SHISA9: variants seen among roughly 807,000 people sequenced by gnomAD.
SHISA9 encodes shisa family member 9.
SHISA9 carries 13 observed loss-of-function variants against 38.0 expected under a neutral mutation model. The ratio of observed to expected loss-of-function variants is 0.34; its 90% CI spans 0.22 to 0.54. The LOEUF is 0.54. Ranked by LOEUF, SHISA9 falls within the 20% of genes least tolerant of loss-of-function variation. SHISA9 has a pLI of 0.91. For missense variants in SHISA9, 538 were observed against 575.8 expected (o/e 0.93, Z 0.67); for synonymous variants, 275 against 242.0 (o/e 1.14, Z -1.27).
intron 2 of SHISA9, among the ~76,000 whole-genome samples, chr16:13,078,641 T>C (rs749175773): frequency 6.6e-6 from 1 of 152,166 alleles, no homozygotes; most frequent in East Asian, 1.9e-4. Flanking sequence ...CCTGGCCTCA[T>C]GTGACCCGCC....
At chr16:12,981,877 G>A (rs1294793418) in intron 2 of SHISA9, among the ~76,000 whole-genome samples, 1 of 152,132 alleles carries the variant, frequency 6.6e-6, no homozygotes, top group Non-Finnish European at 1.5e-5. Context: ...ATGGAGAAAA[G>A]GTGGCTATCT....
the SHISA9 span, among the ~76,000 whole-genome samples, chr16:13,352,412 G>A: frequency 1.3e-5 from 2 of 152,236 alleles, no homozygotes; most frequent in East Asian, 3.9e-4. Context: ...AAAATTTCTG[G>A]GGTGAGCAAA....
the SHISA9 span, among the ~76,000 whole-genome samples, chr16:13,558,636 A>T: frequency 6.6e-6 from 1 of 152,234 alleles, no homozygotes; most frequent in South Asian, 2.1e-4. Flanking sequence ...TATCCAACAC[A>T]TGTATGTCCT....
At chr16:13,041,136 C>G (rs1204732103) in intron 2 of SHISA9, among the ~76,000 whole-genome samples, 1 of 152,234 alleles carries the variant, frequency 6.6e-6, no homozygotes, top group Non-Finnish European at 1.5e-5. Flanking sequence ...CTCCCAACAT[C>G]TCAGAGCTGG....
At chr16:13,231,183 C>T (rs1444816839) in intron 4 of SHISA9, among the ~76,000 whole-genome samples, 1 of 152,152 alleles carries the variant, frequency 6.6e-6, no homozygotes, top group Non-Finnish European at 1.5e-5. Context: ...TGAAGTCAAC[C>T]ATTGCTCCCA....
chr16:13,408,355 T>C, the SHISA9 span, among the ~76,000 whole-genome samples: 2 of 152,128 alleles, frequency 1.3e-5, no homozygotes, highest in Non-Finnish European at 2.9e-5. Context: ...AGCTGATAAA[T>C]GCCAAACATC....
the SHISA9 span, among the ~76,000 whole-genome samples, chr16:13,312,510 T>C: frequency 6.6e-6 from 1 of 152,168 alleles, no homozygotes; most frequent in Non-Finnish European, 1.5e-5. Flanking sequence ...GTAGAGACCA[T>C]TTATTAGTTT....
the SHISA9 span, among the ~76,000 whole-genome samples, chr16:13,343,289 A>G: frequency 5.2e-3 from 786 of 152,308 alleles, 1 homozygote; most frequent in Non-Finnish European, 6.1e-3. Flanking sequence ...GAGAAATTAT[A>G]TCTTATCTTC....
chr16:13,016,710 T>A (rs931697996), intron 2 of SHISA9, among the ~76,000 whole-genome samples: 1 of 152,236 alleles, frequency 6.6e-6, no homozygotes, highest in South Asian at 2.1e-4. Context: ...TATGACTATA[T>A]TTACATGTAA....
chr16:13,207,905 G>A (rs1017788041), intron 3 of SHISA9, among the ~76,000 whole-genome samples: 2 of 152,156 alleles, frequency 1.3e-5, no homozygotes, highest in Non-Finnish European at 2.9e-5. Context: ...TGCAACCTCC[G>A]ATAAGCAGAT....
the SHISA9 span, among the ~76,000 whole-genome samples, chr16:13,506,491 G>A: frequency 1.3e-5 from 2 of 152,186 alleles, no homozygotes. Flanking sequence ...GGACGGGGTT[G>A]AAATTTCAAA....
chr16:13,260,053 G>A, the SHISA9 span, among the ~76,000 whole-genome samples: 1 of 100,376 alleles, frequency 1.0e-5, no homozygotes, highest in Non-Finnish European at 1.8e-5. Context: ...GTCTTGCTCT[G>A]TCACCCAGGC....
intron 2 of SHISA9, among the ~76,000 whole-genome samples, chr16:13,178,927 G>A (rs2050754968): frequency 2.0e-5 from 3 of 152,142 alleles, no homozygotes; most frequent in Admixed American, 6.5e-5. Flanking sequence ...GATGTTAAAT[G>A]TAAGGTGGTC....
At chr16:13,501,133 C>T in the SHISA9 span, among the ~76,000 whole-genome samples, 1 of 152,174 alleles carries the variant, frequency 6.6e-6, no homozygotes, top group Non-Finnish European at 1.5e-5. Flanking sequence ...ACCAAGGGTG[C>T]ATTTGCCTCC....
the SHISA9 span, among the ~76,000 whole-genome samples, chr16:13,422,722 C>G: frequency 1.3e-5 from 1 of 76,028 alleles, no homozygotes; most frequent in Non-Finnish European, 3.0e-5. Context: ...AACAAAGAAA[C>G]AAACAAACAA....
chr16:13,074,534 C>T (rs1372170172), intron 2 of SHISA9, among the ~76,000 whole-genome samples: 1 of 152,146 alleles, frequency 6.6e-6, no homozygotes, highest in East Asian at 1.9e-4. Context: ...CCTTTTGTCT[C>T]TCTGCAGTCT....
At chr16:13,528,642 T>C in the SHISA9 span, among the ~76,000 whole-genome samples, 5 of 152,294 alleles carry the variant, frequency 3.3e-5, no homozygotes, top group South Asian at 1.0e-3. Context: ...GGTTTAAATT[T>C]TGGCTTTGCC....
chr16:13,294,616 G>A, the SHISA9 span, among the ~76,000 whole-genome samples: 21 of 152,276 alleles, frequency 1.4e-4, no homozygotes, highest in East Asian at 1.9e-3. Context: ...TAGACTTCCC[G>A]GTGCCAGGAT....
At chr16:13,109,317 T>C (rs2073955833) in intron 2 of SHISA9, among the ~76,000 whole-genome samples, 1 of 152,146 alleles carries the variant, frequency 6.6e-6, no homozygotes, top group Non-Finnish European at 1.5e-5. Flanking sequence ...GGCATCACCA[T>C]GCCCAGCTAA....
Sources: gnomAD v4.1 joint callset for allele counts (sites outside exome capture counted in the v4.1 genomes callset) on GRCh38, gnomAD v4.1.1 for gene constraint, MANE v1.5 for transcripts, NCBI Gene and HGNC (gene_info 2026-07-23, HGNC 2026-07-21) for gene names.